The following PSD3 variants were observed in gnomAD, a reference collection of about 807,000 sequenced individuals.
PSD3 encodes the protein PH and SEC7 domain-containing protein 3.
Under a neutral mutation model 105.5 loss-of-function variants are expected in PSD3, and 49 were observed. The ratio of observed to expected loss-of-function variants is 0.46; its 90% confidence interval spans 0.37 to 0.59. The LOEUF (loss-of-function observed/expected upper bound fraction) is 0.59, where lower values mean the gene tolerates loss of function less well. Ranked by LOEUF, PSD3 falls within the 20% of genes least tolerant of loss-of-function variation. The probability of loss-of-function intolerance (pLI) is 0.00; values close to 1 mark genes in which losing one functional copy is unlikely to be tolerated. For missense variants in PSD3, 1,561 were observed against 1,263.8 expected (o/e 1.24, Z -3.57); for synonymous variants, 557 against 457.8 (o/e 1.22, Z -2.77).
chr8:18,678,320 T>C (rs1800184744), intron 9 of PSD3, among the ~76,000 whole-genome samples: 1 of 152,210 alleles, frequency 6.6e-6, no homozygotes, highest in African/African-American at 2.4e-5. Context: ...GAGGTACCTC[T>C]GGCATTTTAA....
intron 1 of PSD3, among the ~76,000 whole-genome samples, chr8:19,046,962 C>T (rs1422212019): frequency 6.6e-6 from 1 of 152,174 alleles, no homozygotes; most frequent in Non-Finnish European, 1.5e-5. Flanking sequence ...CATATACTAC[C>T]TGGAGAGTTA....
chr8:18,737,923 A>G (rs935276027), intron 9 of PSD3, among the ~76,000 whole-genome samples: 1 of 152,190 alleles, frequency 6.6e-6, no homozygotes, highest in African/African-American at 2.4e-5. Context: ...CACAGGCAGG[A>G]GGCAGAGGCT....
At chr8:18,818,686 C>A (rs1470757904) in intron 4 of PSD3, among the ~76,000 whole-genome samples, 10 of 151,962 alleles carry the variant, frequency 6.6e-5, no homozygotes, top group Non-Finnish European at 8.8e-5. Flanking sequence ...TCTCCATACC[C>A]CCCCCAACAA....
intron 4 of PSD3, among the ~76,000 whole-genome samples, chr8:18,813,292 C>A (rs969446605): frequency 2.0e-5 from 3 of 152,102 alleles, no homozygotes; most frequent in Non-Finnish European, 2.9e-5. Context: ...TGGAAAGAAA[C>A]AAGCACTCGT....
intron 1 of PSD3, among the ~76,000 whole-genome samples, chr8:18,944,994 A>G (rs1822773072): frequency 6.6e-6 from 1 of 152,210 alleles, no homozygotes; most frequent in Non-Finnish European, 1.5e-5. Flanking sequence ...TTTAGATCTA[A>G]GACCTCAACA....
At chr8:18,816,943 A>T (rs929731823) in intron 4 of PSD3, among the ~76,000 whole-genome samples, 8 of 152,218 alleles carry the variant, frequency 5.3e-5, no homozygotes, top group Non-Finnish European at 7.3e-5. Context: ...CAGCACTCAG[A>T]AAGTACCATG....
chr8:19,050,996 T>C (rs1012024428), intron 1 of PSD3, among the ~76,000 whole-genome samples: 2 of 152,118 alleles, frequency 1.3e-5, no homozygotes, highest in African/African-American at 2.4e-5. Context: ...TGTAGGCTCA[T>C]AGGATTTGAT....
chr8:18,576,842 C>T (rs997435583), intron 12 of PSD3, among the ~76,000 whole-genome samples: 1 of 151,472 alleles, frequency 6.6e-6, no homozygotes, highest in African/African-American at 2.4e-5. Context: ...CCCTAACACA[C>T]CTAATGATTG....
chr8:18,584,496 G>A (rs1156403861), intron 12 of PSD3, among the ~76,000 whole-genome samples: 1 of 152,162 alleles, frequency 6.6e-6, no homozygotes, highest in Non-Finnish European at 1.5e-5. Flanking sequence ...ACTTTAGAAC[G>A]CCAGCTTTTC....
intron 2 of PSD3, among the ~76,000 whole-genome samples, chr8:18,928,293 G>A (rs767784922): frequency 1.1e-4 from 17 of 152,124 alleles, no homozygotes; most frequent in Non-Finnish European, 2.2e-4. Context: ...GCTCCCTCTT[G>A]CCAGCTGCCA....
chr8:18,612,676 T>C (rs951729638), intron 11 of PSD3, among the ~76,000 whole-genome samples: 1 of 152,158 alleles, frequency 6.6e-6, no homozygotes. Flanking sequence ...GGCCTACTGA[T>C]GCATTTTTAA....
chr8:18,700,419 A>C (rs1027804747), intron 9 of PSD3, among the ~76,000 whole-genome samples: 6 of 152,230 alleles, frequency 3.9e-5, no homozygotes, highest in African/African-American at 1.2e-4. Flanking sequence ...CTTAAGGATC[A>C]AGCTCTTAAA....
chr8:19,040,610 T>C (rs1416600557), intron 1 of PSD3, among the ~76,000 whole-genome samples: 1 of 152,196 alleles, frequency 6.6e-6, no homozygotes, highest in East Asian at 1.9e-4. Flanking sequence ...CTGTGGAGAA[T>C]AAAGCACGGG....
Position 18,804,714 on chromosome 8 carries a change from G to C in PSD3, c.1819C>G (p.Leu607Val), listed in dbSNP as rs1358877408. 1 of 1,613,848 alleles carries C rather than the reference G, an allele frequency of 6.2e-7. No homozygotes were observed. The highest frequency in any genetic ancestry group is 1.1e-5 in the South Asian group (1 of 90,972). ...TGGGTCAGAACGTACTTCTTGCCAAGGTGTTTTGCAACATCTGATCTTTTG... is the reference window on the plus strand; with the variant it reads ...TGGGTCAGAACGTACTTCTTGCCAACGTGTTTTGCAACATCTGATCTTTTG... ...RFKRSDVAKHLGKNNEFSKLV... is the reference protein window; with the variant it reads ...RFKRSDVAKHVGKNNEFSKLV... Residue 607 changes from leucine (L) to valine (V), a missense_variant, in exon 5 of 16, where the codon CTT becomes GTT. Leu to Val is a conservative substitution (Grantham distance 32). Transcript: ENST00000327040.
At chr8:18,759,431 A>T (rs1343324315) in intron 9 of PSD3, among the ~76,000 whole-genome samples, 1 of 152,142 alleles carries the variant, frequency 6.6e-6, no homozygotes, top group Non-Finnish European at 1.5e-5. Flanking sequence ...GTTCAGTTTT[A>T]TCACAAATAT....
chr8:19,053,003 G>A (rs933678007), intron 1 of PSD3, among the ~76,000 whole-genome samples: 3 of 152,154 alleles, frequency 2.0e-5, no homozygotes, highest in Non-Finnish European at 4.4e-5. Context: ...CAGGAGATGA[G>A]CAGCCTGGAG....
intron 15 of PSD3, among the ~76,000 whole-genome samples, chr8:18,536,904 A>C (rs1272179009): frequency 6.6e-6 from 1 of 152,202 alleles, no homozygotes; most frequent in Non-Finnish European, 1.5e-5. Context: ...AATTTATAGA[A>C]AGCTTAAAGT....
intron 1 of PSD3, among the ~76,000 whole-genome samples, chr8:18,975,122 G>C (rs1275037460): frequency 1.3e-5 from 2 of 152,114 alleles, no homozygotes; most frequent in African/African-American, 4.8e-5. Context: ...GCTTTCAAAA[G>C]GGACAAGGGT....
chr8:19,002,113 G>C (rs1191244729), intron 1 of PSD3, among the ~76,000 whole-genome samples: 1 of 151,964 alleles, frequency 6.6e-6, no homozygotes, highest in Admixed American at 6.6e-5. Context: ...ACACAGAAAA[G>C]GAACATCCCT....
Sources: allele counts gnomAD v4.1 joint callset (sites outside exome capture counted in the v4.1 genomes callset), GRCh38; gene constraint gnomAD v4.1.1; transcripts MANE v1.5; gene names NCBI Gene and HGNC (gene_info 2026-07-23, HGNC 2026-07-21).